The following SLC38A10 variants were observed in gnomAD, a reference collection of about 807,000 sequenced individuals.
SLC38A10 encodes the protein Sodium-coupled neutral amino acid transporter 10.
A neutral mutation model predicts 81.0 loss-of-function variants in SLC38A10; 53 were observed. The observed-to-expected ratio is 0.65, with a 90% confidence interval of 0.53 to 0.82. SLC38A10 has a LOEUF of 0.82. SLC38A10 is among the 40% of genes least tolerant of loss of function. The probability of loss-of-function intolerance (pLI) is 0.00; values close to 1 mark genes in which losing one functional copy is unlikely to be tolerated. For synonymous variants in SLC38A10, 665 were observed against 655.3 expected, an observed-to-expected ratio of 1.01 and a Z score of -0.23; for missense variants, 1,471 against 1,545.0, an observed-to-expected ratio of 0.95 and a Z score of 0.80.
chr17:81,279,492 G>C (rs934085266), intron 6 of SLC38A10, among the ~76,000 whole-genome samples: 3 of 152,156 alleles, frequency 2.0e-5, no homozygotes, highest in Admixed American at 2.0e-4. Context: ...CAGGGGTGGG[G>C]AGGTCAGCGC....
Position 81,276,933 on chromosome 17 carries a change from C to A in SLC38A10, c.729+98G>T. The A allele has an allele frequency of 1.6e-6, 2 of 1,260,500 alleles. No individual in the cohort carries two copies. Among genetic ancestry groups the A allele is most frequent in the Non-Finnish European group, 1.2e-6 (1 of 868,764 alleles). The allele number at this position is 1,260,500 out of a possible 1,614,324, so 78.1% of individuals were successfully genotyped here. A position where few individuals can be genotyped will look rare whatever the true frequency, so the allele number is the denominator to read the frequency against. On this transcript the variant is annotated intron_variant, in intron 7 of 15. Transcript: ENST00000374759. The surrounding 1 kb of genome is among the most constrained non-coding windows in gnomAD (Gnocchi z 4.7). ...GAACAGAGAGAAAAACCCAGCAGCA[C>A]ACAGGGCCAGGGCCATGCCTGTGGC... is the stretch of plus-strand genomic sequence containing the variant.
rs529578168 is a variant in SLC38A10, at chr17:81,289,712, G to A, written c.196C>T (p.Arg66Trp). 4.3e-6 allele frequency: 7 copies of A among 1,610,452 alleles called. No individual in the cohort carries two copies. The highest frequency in any genetic ancestry group is 1.3e-5 in the African/African-American group (1 of 74,818). Residue 66 changes from arginine (R) to tryptophan (W), a missense_variant, in exon 2 of 16, where the codon CGG becomes TGG. Coordinates refer to ENST00000374759, the MANE Select transcript of SLC38A10 (RefSeq NM_001037984.3). This position sits in a 1 kb window ranked among gnomAD's most constrained non-coding sequence, Gnocchi z 5.9. Reference protein sequence around the residue: ...FLVKSASLSKRRTYAGLAFHA... With the variant: ...FLVKSASLSKWRTYAGLAFHA... ...TCACCCAGGCCGGCGTAGGTCCTCC[G>A]CTTGCTCAGGCTGGCCGACTTCACC...
intron 1 of SLC38A10, among the ~76,000 whole-genome samples, chr17:81,291,267 G>A (rs1047312784): frequency 6.6e-6 from 1 of 151,972 alleles, no homozygotes; most frequent in African/African-American, 2.4e-5. Flanking sequence ...GATCATTTGA[G>A]GTCAGGAGTT....
At chr17:81,251,694 C>A (rs1031140892) in intron 13 of SLC38A10, 82 bp from the exon 14 acceptor site, 2 of 1,383,116 alleles carry the variant, frequency 1.4e-6, no homozygotes, top group East Asian at 2.6e-5. Context: ...AAGGCAAGGG[C>A]GGGACAAAAG....
chr17:81,289,789 G>T lies in SLC38A10; in HGVS notation c.119C>A (p.Ala40Glu). 8 of 1,604,180 alleles carry T rather than the reference G, an allele frequency of 5.0e-6. No homozygotes were observed. Among genetic ancestry groups the T allele is most frequent in the Non-Finnish European group, 6.8e-6 (8 of 1,176,620 alleles). Reference sequence around the variant, plus strand: ...CCATGAGCAGAAGACCAAGAGCAGCGCCCCCAGGACGATGCCGCACTGCAG... The same window carrying T: ...CCATGAGCAGAAGACCAAGAGCAGCTCCCCCAGGACGATGCCGCACTGCAG... ...CFKQCGIVLG[A>E]LLLVFCSWMT... The change falls in exon 2 of 16, where the codon GCG becomes GAG. Residue 40 changes from alanine to glutamate, a missense_variant. Coordinates refer to ENST00000374759, the MANE Select transcript of SLC38A10 (RefSeq NM_001037984.3). This position sits in a 1 kb window ranked among gnomAD's most constrained non-coding sequence, Gnocchi z 5.9.
In SLC38A10 at chr17:81,289,864, C is replaced by T; in HGVS notation, c.100-56G>A. 3 of 1,427,604 alleles carry T rather than the reference C, an allele frequency of 2.1e-6. No homozygotes were observed. In the Admixed American group the frequency reaches 6.9e-5, roughly 33 times the overall value. 88.4% of individuals were successfully genotyped at this position (1,427,604 alleles called of 1,614,324 possible). On this transcript the variant is annotated intron_variant, in intron 1 of 15. Coordinates refer to ENST00000374759, the MANE Select transcript of SLC38A10 (RefSeq NM_001037984.3). This position sits in a 1 kb window ranked among gnomAD's most constrained non-coding sequence, Gnocchi z 5.9. ...CAGCAGCAGGTGCTCCCCAGAGGCC[C>T]TCACCCCACACACGCGGCTCATGAG...
rs2063059934 is a variant in SLC38A10 at position 81,265,259 on chromosome 17, C to G, written c.1132-4865G>C. ...ATTAGCCAGGTGTGGTGGCGCACGC[C>G]TGTAATCCCAGCTACTCGGGAGGCT... On this transcript the variant is annotated intron_variant, in intron 10 of 15. Transcript: ENST00000374759. This position sits in a 1 kb window ranked among gnomAD's most constrained non-coding sequence, Gnocchi z 4.2. 6.6e-6 allele frequency: 1 copy of G among 152,302 alleles called. No individual in the cohort carries two copies. Among genetic ancestry groups the G allele is most frequent in the Non-Finnish European group, 1.5e-5 (1 of 68,122 alleles). 9.4% of individuals were successfully genotyped at this position (152,302 alleles called of 1,614,324 possible). A position where few individuals can be genotyped will look rare whatever the true frequency, so the allele number is the denominator to read the frequency against.
In SLC38A10 at chr17:81,265,673, T is replaced by C. The variant is rs953676082; in HGVS notation, c.1131+5245A>G. The stretch of plus-strand genomic sequence containing the variant: ...ACAGGCCAAGGCACAGATCCAGGCC[T>C]GTGCCCCTCCGTGGGCGCAGCCGGA... On this transcript the variant is annotated intron_variant, in intron 10 of 15. Coordinates refer to ENST00000374759, the MANE Select transcript of SLC38A10 (RefSeq NM_001037984.3). This position sits in a 1 kb window ranked among gnomAD's most constrained non-coding sequence, Gnocchi z 4.2. 1.3e-5 allele frequency among the ~76,000 whole-genome samples: 2 copies of C among 152,216 alleles called. No individual in the cohort carries two copies. The highest frequency in any genetic ancestry group is 6.5e-5 in the Admixed American group (1 of 15,282).
chr17:81,276,499 C>A lies in SLC38A10; in HGVS notation c.730-348G>T, dbSNP rs367579041. 1.4e-3 allele frequency among the ~76,000 whole-genome samples: 217 copies of A among 151,542 alleles called. 3 individuals carry two copies. Among genetic ancestry groups the A allele is most frequent in the African/African-American group, 5.2e-3 (213 of 41,240 alleles). On this transcript the variant is annotated intron_variant, in intron 7 of 15. Coordinates refer to ENST00000374759, the MANE Select transcript of SLC38A10 (RefSeq NM_001037984.3). The surrounding 1 kb of genome is among the most constrained non-coding windows in gnomAD (Gnocchi z 4.7). ...CTCCCCGGTCCTGGTTCAAGCAATT[C>A]TCCTGCCTCAGCCTCCCGAGTAGCC...
In SLC38A10 at chr17:81,282,331, A is replaced by G; in HGVS notation, c.359T>C (p.Val120Ala). Residue 120 changes from valine to alanine, a missense_variant and splice_region_variant, in exon 5 of 16, where the codon GTG (valine) becomes GCG (alanine). Transcript: ENST00000374759. ...CAGGAACATGCGGAAGGTGCCGCCCACCTGCGGGGAGCCGGCAGGGGGTCT... is the reference window on the plus strand; with the variant it reads ...CAGGAACATGCGGAAGGTGCCGCCCGCCTGCGGGGAGCCGGCAGGGGGTCT... ...NFFARLFGFQ[V>A]GGTFRMFLLF... The G allele has an allele frequency of 1.9e-6, 3 of 1,608,332 alleles. No homozygotes were observed. The highest frequency in any genetic ancestry group is 2.5e-6 in the Non-Finnish European group (3 of 1,177,752).
In SLC38A10 at chr17:81,245,679, A is replaced by T; in HGVS notation, c.3237T>A (p.Asp1079Glu). 1.2e-6 allele frequency: 2 copies of T among 1,606,728 alleles called. No homozygotes were observed. Among genetic ancestry groups the T allele is most frequent in the Non-Finnish European group, 1.7e-6 (2 of 1,177,224 alleles). The change falls in exon 16 of 16, where the codon GAT becomes GAA. Residue 1079 changes from aspartate (D) to glutamate (E), a missense_variant. Asp to Glu is a conservative substitution (Grantham distance 45). Transcript: ENST00000374759. Reference protein sequence around the residue: ...GVIIGLNPLPDVQVNDLRGAL... With the variant: ...GVIIGLNPLPEVQVNDLRGAL... Reference sequence around the variant, plus strand: ...CGCCACGGAGGTCGTTCACCTGGACATCAGGCAGGGGGTTAAGGCCAATGA... The same window carrying T: ...CGCCACGGAGGTCGTTCACCTGGACTTCAGGCAGGGGGTTAAGGCCAATGA...
chr17:81,284,899 G>A lies in SLC38A10; in HGVS notation c.218-4C>T, dbSNP rs757694064. 5.1e-5 allele frequency: 78 copies of A among 1,544,190 alleles called. No homozygotes were observed. Among genetic ancestry groups the A allele is most frequent in the Middle Eastern group, 3.3e-4 (2 of 5,978 alleles). On this transcript the variant is annotated splice_polypyrimidine_tract_variant and splice_region_variant and intron_variant, in intron 2 of 15. Coordinates refer to ENST00000374759, the MANE Select transcript of SLC38A10 (RefSeq NM_001037984.3). ...GCCTTCCCGTAGGCGTGGAATGCTA[G>A]TGCAAAAGAAAAAGGAACACTCAAT...
intron 9 of SLC38A10, 116 bp downstream of exon 9, chr17:81,272,400 T>C: frequency 1.8e-6 from 1 of 548,194 alleles, no homozygotes; most frequent in Non-Finnish European, 3.0e-6. Context: ...TCTCTAGACT[T>C]TTTTAAGAGA....
Position 81,289,871 on chromosome 17 carries a change from C to G in SLC38A10, c.100-63G>C. Reference sequence around the variant, plus strand: ...AGGTGCTCCCCAGAGGCCCTCACCCCACACACGCGGCTCATGAGGACCCTC... The same window carrying G: ...AGGTGCTCCCCAGAGGCCCTCACCCGACACACGCGGCTCATGAGGACCCTC... On this transcript the variant is annotated intron_variant, in intron 1 of 15. Coordinates refer to ENST00000374759, the MANE Select transcript of SLC38A10 (RefSeq NM_001037984.3). The surrounding 1 kb of genome is among the most constrained non-coding windows in gnomAD (Gnocchi z 5.9). 2 of 1,370,744 alleles carry G rather than the reference C, an allele frequency of 1.5e-6. No individual in the cohort carries two copies. The highest frequency in any genetic ancestry group is 2.0e-6 in the Non-Finnish European group (2 of 1,010,938). 84.9% of individuals were successfully genotyped at this position (1,370,744 alleles called of 1,614,324 possible).
chr17:81,294,854 C>T lies in SLC38A10; in HGVS notation c.68G>A (p.Ser23Asn), dbSNP rs1298097249. 1 of 1,599,220 alleles carries T rather than the reference C, an allele frequency of 6.3e-7. No individual in the cohort carries two copies. The highest frequency in any genetic ancestry group is 1.1e-5 in the South Asian group (1 of 88,938). Residue 23 changes from serine (S) to asparagine (N), a missense_variant, in exon 1 of 16, where the codon AGT becomes AAT. Physicochemically the swap from Ser to Asn is conservative, Grantham distance 46 (BLOSUM62 1). Around this residue, in one of 2 missense-constraint regions of SLC38A10, gnomAD observed 720 missense variants for 827.7 expected, o/e 0.87. Coordinates refer to ENST00000374759, the MANE Select transcript of SLC38A10 (RefSeq NM_001037984.3). ...GAAGCAGAAGGGCATGGTGAGGACA[C>T]TGACCCCTACGATGCTGTTCACGAT... is the stretch of plus-strand genomic sequence containing the variant. ...TNIVNSIVGV[S>N]VLTMPFCFKQ...
At position 81,246,634 on chromosome 17, in the gene SLC38A10, C is replaced by T. The variant is rs778503229; in HGVS notation, c.2282G>A (p.Gly761Asp). Reference sequence around the variant, plus strand: ...GGCCTTGCCTTCAGGGGCCTCCTGGCCTCTGGGCACCGCTGCCCCGGGCTC... The same window carrying T: ...GGCCTTGCCTTCAGGGGCCTCCTGGTCTCTGGGCACCGCTGCCCCGGGCTC... The part of the protein sequence containing the change: ...HQEPGAAVPR[G>D]QEAPEGKARE... Residue 761 changes from glycine to aspartate, a missense_variant, in exon 16 of 16, where the codon GGC (glycine) becomes GAC (aspartate). Transcript: ENST00000374759. 1 of 1,514,134 alleles carries T rather than the reference C, an allele frequency of 6.6e-7. No individual in the cohort carries two copies. Among genetic ancestry groups the T allele is most frequent in the African/African-American group, 1.4e-5 (1 of 71,660 alleles). 93.8% of individuals were successfully genotyped at this position (1,514,134 alleles called of 1,614,324 possible).
Position 81,252,210 on chromosome 17 carries a change from C to A in SLC38A10, c.1930G>T (p.Glu644Ter). The A allele has an allele frequency of 6.6e-7, 1 of 1,519,822 alleles. No individual in the cohort carries two copies. The highest frequency in any genetic ancestry group is 8.8e-7 in the Non-Finnish European group (1 of 1,138,246). The allele number at this position is 1,519,822 out of a possible 1,614,324, so 94.1% of individuals were successfully genotyped here. Reference sequence around the variant, plus strand: ...TGACACCCACCGTGGTCGCTGTCCTCTGCGGGCTGCCCTGTGTCCCCGGCG... The same window carrying A: ...TGACACCCACCGTGGTCGCTGTCCTATGCGGGCTGCCCTGTGTCCCCGGCG... Reference protein sequence around the residue: ...NAAGDTGQPAEDSDHGGKPPL... With the variant: ...NAAGDTGQPA Residue 644 changes from glutamate (E) to a stop codon, truncating the protein, a stop_gained, in exon 13 of 16, where the codon GAG (glutamate) becomes TAG (stop). Coordinates refer to ENST00000374759, the MANE Select transcript of SLC38A10 (RefSeq NM_001037984.3). LOFTEE classifies it high-confidence loss of function.
rs1598402711 is a variant in SLC38A10, at chr17:81,281,998, C to G, written c.501+191G>C. ...GCCAACCGCACCTGGGTCCAGCCAGCCCCGTCTGCCCCATGGTGCCCAGGG... is the reference window on the plus strand; with the variant it reads ...GCCAACCGCACCTGGGTCCAGCCAGGCCCGTCTGCCCCATGGTGCCCAGGG... On this transcript the variant is annotated intron_variant, in intron 5 of 15. Coordinates refer to ENST00000374759, the MANE Select transcript of SLC38A10 (RefSeq NM_001037984.3). The surrounding 1 kb of genome is among the most constrained non-coding windows in gnomAD (Gnocchi z 5.3). Among the ~76,000 whole-genome samples, 1 of 152,296 alleles carries G rather than the reference C, an allele frequency of 6.6e-6. No individual in the cohort carries two copies.
chr17:81,257,593 C>T (rs1409458408), intron 11 of SLC38A10, among the ~76,000 whole-genome samples: 2 of 152,248 alleles, frequency 1.3e-5, no homozygotes, highest in African/African-American at 2.4e-5. Flanking sequence ...TGTTGAGCCA[C>T]GTGACCTGCC....
Sources: allele counts gnomAD v4.1 joint callset (sites outside exome capture counted in the v4.1 genomes callset), GRCh38; gene constraint gnomAD v4.1.1; regional missense constraint gnomAD v4.1.1; non-coding constraint Gnocchi (gnomAD v3.1); transcripts MANE v1.5; gene names NCBI Gene and HGNC (gene_info 2026-07-23, HGNC 2026-07-21).